Variants in TSBP1 observed in about 807,000 individuals in gnomAD.
TSBP1 encodes the protein testis-expressed basic protein 1.
TSBP1 carries 56 observed loss-of-function variants against 68.8 expected under a neutral mutation model. That is an observed-to-expected ratio of 0.81 (90% CI 0.66 to 1.02). TSBP1 has a LOEUF of 1.02. TSBP1 is among the 50% of genes least tolerant of loss of function. The pLI is 0.00. For missense variants in TSBP1, 502 were observed against 641.2 expected, an observed-to-expected ratio of 0.78 and a Z score of 2.34; for synonymous variants, 171 against 208.7, an observed-to-expected ratio of 0.82 and a Z score of 1.56.
At chr6:32,341,130 C>T (rs1770300251) in intron 9 of TSBP1, among the ~76,000 whole-genome samples, 1 of 152,020 alleles carries the variant, frequency 6.6e-6, no homozygotes, top group Non-Finnish European at 1.5e-5. Flanking sequence ...TATTTTGTGG[C>T]GTTTCCCAGC....
rs907133107 is a variant in TSBP1 at position 32,292,999 on chromosome 6, G to T, written c.1674C>A (p.Asn558Lys). 4.4e-6 allele frequency: 7 copies of T among 1,592,796 alleles called. No homozygotes were observed. Among genetic ancestry groups the T allele is most frequent in the Admixed American group, 3.7e-5 (2 of 54,074 alleles). ...TTTATCCTTACTCTTCCACTTTTTT[G>T]TTGTACTTCCTTCCTGTATTTGCCT... The change falls in exon 23 of 23, where the codon AAC (asparagine) becomes AAA (lysine). Residue 558 changes from asparagine (N) to lysine (K), a missense_variant. Physicochemically the swap from Asn to Lys is moderately conservative, Grantham distance 94. Coordinates refer to ENST00000612031, the Ensembl canonical transcript of TSBP1. The surrounding 1 kb of genome is among the most constrained non-coding windows in gnomAD (Gnocchi z 4.1).
At position 32,325,269 on chromosome 6, in the gene TSBP1, C is replaced by T. The variant is rs183413491; in HGVS notation, c.515-1655G>A. On this transcript the variant is annotated intron_variant, in intron 16 of 22. Coordinates refer to ENST00000612031, the Ensembl canonical transcript of TSBP1. This position sits in a 1 kb window ranked among gnomAD's most constrained non-coding sequence, Gnocchi z 4.4. ...AGCCAGAACAACTGAGGAAGCTCTT[C>T]ATTGGAGGGTTGAGCTTTGAAACAA... 1.5e-4 allele frequency: 197 copies of T among 1,343,980 alleles called. No homozygotes were observed. Among genetic ancestry groups the T allele is most frequent in the Non-Finnish European group, 2.0e-4 (191 of 968,334 alleles). The allele number at this position is 1,343,980 out of a possible 1,614,324, so 83.3% of individuals were successfully genotyped here.
chr6:32,327,254 C>A (rs897050420), intron 16 of TSBP1, among the ~76,000 whole-genome samples: 12 of 152,200 alleles, frequency 7.9e-5, no homozygotes, highest in Non-Finnish European at 1.3e-4. Context: ...AAGCCAAAGG[C>A]AGCTATCATA....
chr6:32,349,901 T>G, intron 8 of TSBP1, 141 bp from the exon 9 acceptor site: 1 of 901,232 alleles, frequency 1.1e-6, no homozygotes, highest in East Asian at 2.4e-5. Context: ...TCAATTGCAA[T>G]GCAATGTGGT....
At position 32,368,764 on chromosome 6, in the gene TSBP1, A is replaced by G. The variant is rs773176464; in HGVS notation, c.133+18T>C. On this transcript the variant is annotated intron_variant, in intron 3 of 22. Coordinates refer to ENST00000612031, the Ensembl canonical transcript of TSBP1. ...TATAAGTACTATATTTATTTTTCTC[A>G]TGAGTATAAGTACTTACTTTGTTCT... 3.2e-6 allele frequency: 5 copies of G among 1,564,574 alleles called. No individual in the cohort carries two copies. Among genetic ancestry groups the G allele is most frequent in the Non-Finnish European group, 4.4e-6 (5 of 1,145,474 alleles).
chr6:32,309,771 G>A (rs9268194), intron 19 of TSBP1, among the ~76,000 whole-genome samples: 30,881 of 151,806 alleles, frequency 0.2, 3,272 homozygotes, highest in Non-Finnish European at 0.21. Flanking sequence ...TATTCTTTTA[G>A]TTGTTTCAAA....
chr6:32,368,282 T>C (rs542803840), intron 3 of TSBP1, among the ~76,000 whole-genome samples: 10 of 152,344 alleles, frequency 6.6e-5, no homozygotes, highest in Non-Finnish European at 1.3e-4. Context: ...TTAACAACTT[T>C]GGCATCTCTC....
chr6:32,344,418 C>G (rs1371576410), intron 9 of TSBP1, among the ~76,000 whole-genome samples: 1 of 151,736 alleles, frequency 6.6e-6, no homozygotes, highest in Non-Finnish European at 1.5e-5. Context: ...GTAGGAGAAG[C>G]AAAAAGGCTG....
intron 1 of TSBP1, among the ~76,000 whole-genome samples, chr6:32,370,405 C>CTGTGTGTG (rs147644176): frequency 0.095 from 7,633 of 80,762 alleles, 380 homozygotes; most frequent in Admixed American, 0.13. Flanking sequence ...GCAAGATTTT[C>CTGTGTGTG]TGTATATATA....
chr6:32,336,689 T>A lies in TSBP1; in HGVS notation c.410-54A>T, dbSNP rs60156503. 0.024 allele frequency: 37,641 copies of A among 1,538,426 alleles called. 638 individuals are homozygous for A. Among genetic ancestry groups the A allele is most frequent in the South Asian group, 0.048 (4,274 of 89,144 alleles). ...TTTGACATTAATAGAATTTTCATTT[T>A]ACCAGTATTGTTTCTAAAGAAACTA... On this transcript the variant is annotated intron_variant, in intron 11 of 22. Coordinates refer to ENST00000612031, the Ensembl canonical transcript of TSBP1. This position sits in a 1 kb window ranked among gnomAD's most constrained non-coding sequence, Gnocchi z 5.2.
intron 6 of TSBP1, among the ~76,000 whole-genome samples, chr6:32,359,376 T>C (rs893712794): frequency 6.6e-6 from 1 of 152,142 alleles, no homozygotes; most frequent in African/African-American, 2.4e-5. Context: ...TGGTTTTGAT[T>C]TGCATTTCTC....
exon 23 of TSBP1, chr6:32,293,575 G>A: frequency 6.2e-7 from 1 of 1,612,524 alleles, no homozygotes; most frequent in East Asian, 2.2e-5. Flanking sequence ...TCTCTACCTG[G>A]GCTTCCTGTC....
Position 32,321,363 on chromosome 6 carries a change from C to T in TSBP1, c.559+1754G>A, listed in dbSNP as rs140574835. Among the ~76,000 whole-genome samples, 15 of 152,148 alleles carry T rather than the reference C, an allele frequency of 9.9e-5. No individual in the cohort carries two copies. In the East Asian group the frequency reaches 2.1e-3, roughly 22 times the overall value. ...TTGGATTTTTACATCTTTTTCCTGCCCATACTCTCTGATGACTTCTCTGAA... is the reference window on the plus strand; with the variant it reads ...TTGGATTTTTACATCTTTTTCCTGCTCATACTCTCTGATGACTTCTCTGAA... On this transcript the variant is annotated intron_variant, in intron 18 of 22. Transcript: ENST00000612031. This position sits in a 1 kb window ranked among gnomAD's most constrained non-coding sequence, Gnocchi z 4.3.
chr6:32,353,269 C>A (rs1771907680), intron 8 of TSBP1, among the ~76,000 whole-genome samples: 1 of 151,916 alleles, frequency 6.6e-6, no homozygotes, highest in Non-Finnish European at 1.5e-5. Flanking sequence ...AATCTACTCT[C>A]AAATATACAA....
intron 16 of TSBP1, chr6:32,324,396 T>A: frequency 1.6e-6 from 1 of 626,832 alleles, no homozygotes; most frequent in Non-Finnish European, 2.9e-6. Context: ...TTTTGTAAAA[T>A]TTTTTTCTCT....
At position 32,340,934 on chromosome 6, in the gene TSBP1, T is replaced by C. The variant is rs903788145; in HGVS notation, c.350-1296A>G. On this transcript the variant is annotated intron_variant, in intron 9 of 22. Coordinates refer to ENST00000612031, the Ensembl canonical transcript of TSBP1. This position sits in a 1 kb window ranked among gnomAD's most constrained non-coding sequence, Gnocchi z 4.8. ...CCTCAGCCTCCTGAGTAGCTGGGATTACAGGCATGTGCCACCACGCCCAGC... is the reference window on the plus strand; with the variant it reads ...CCTCAGCCTCCTGAGTAGCTGGGATCACAGGCATGTGCCACCACGCCCAGC... Among the ~76,000 whole-genome samples, 5 of 152,168 alleles carry C rather than the reference T, an allele frequency of 3.3e-5. No individual in the cohort carries two copies. The highest frequency in any genetic ancestry group is 7.4e-5 in the Non-Finnish European group (5 of 68,022).
chr6:32,331,348 T>C (rs1033873490), intron 15 of TSBP1, among the ~76,000 whole-genome samples: 3 of 152,230 alleles, frequency 2.0e-5, no homozygotes, highest in Non-Finnish European at 2.9e-5. Context: ...CAAGCCACTA[T>C]AATCATTATT....
intron 9 of TSBP1, 61 bp from the exon 11 acceptor site, chr6:32,339,699 A>T: frequency 8.0e-6 from 6 of 748,316 alleles, no homozygotes. Flanking sequence ...AGGCATGGAG[A>T]TAGACAATCC....
Position 32,293,126 on chromosome 6 carries a change from TTTTC to T in TSBP1, c.1543_1546del (p.Glu515LysfsTer57). 2 of 1,598,660 alleles carry T rather than the reference TTTTC, an allele frequency of 1.3e-6. No homozygotes were observed. The highest frequency in any genetic ancestry group is 1.7e-6 in the Non-Finnish European group (2 of 1,168,558). On this transcript the variant is annotated frameshift_variant, in exon 23 of 23. Transcript: ENST00000612031. LOFTEE classifies it low-confidence loss of function (END_TRUNC). ...GTCACCTTTTGTGTTTTTGTCACCT[TTTTC>T]TTTTTTATTTGGATCTTTCTCTGCA...
Sources: allele counts gnomAD v4.1 joint callset (sites outside exome capture counted in the v4.1 genomes callset), GRCh38; gene constraint gnomAD v4.1.1; non-coding constraint Gnocchi (gnomAD v3.1); transcripts MANE v1.5; gene names NCBI Gene and HGNC (gene_info 2026-07-23, HGNC 2026-07-21).